Variants in ZNF385D observed in about 807,000 individuals in gnomAD.
ZNF385D encodes zinc finger protein 385D.
In ZNF385D, 15 loss-of-function variants were observed where a neutral mutation model predicts 35.8. That is an observed-to-expected ratio of 0.42 (90% confidence interval 0.28 to 0.64). ZNF385D has a LOEUF of 0.64. ZNF385D is among the 30% of genes least tolerant of loss of function. The probability of loss-of-function intolerance (pLI) is 0.23; values close to 1 mark genes in which losing one functional copy is unlikely to be tolerated. For missense variants in ZNF385D, 474 were observed against 494.6 expected, an observed-to-expected ratio of 0.96 and a Z score of 0.39; for synonymous variants, 212 against 186.8, an observed-to-expected ratio of 1.13 and a Z score of -1.10.
chr3:22,108,693 T>C (rs939064606), intron 3 of ZNF385D, among the ~76,000 whole-genome samples: 1 of 152,104 alleles, frequency 6.6e-6, no homozygotes, highest in African/African-American at 2.4e-5. Context: ...CACCAAGTTA[T>C]AAAGTCTAAA....
intron 4 of ZNF385D, among the ~76,000 whole-genome samples, chr3:21,492,799 A>ATAAATAAATAAATAAG (rs1705535049): frequency 6.6e-6 from 1 of 151,094 alleles, no homozygotes; most frequent in African/African-American, 2.4e-5. Context: ...AAATAAATAA[A>ATAAATAAATAAATAAG]TAAATAAATA....
Position 22,195,820 on chromosome 3 carries a change from C to T in ZNF385D, c.107-26785G>A, listed in dbSNP as rs146754832. On this transcript the variant is annotated intron_variant, in intron 2 of 5. Coordinates refer to the ZNF385D transcript ENST00000494108. Reference sequence around the variant, plus strand: ...GGATAAAGAAAATGTTATACATATACACCATGAAATATTATACAGCCATAA... The same window carrying T: ...GGATAAAGAAAATGTTATACATATATACCATGAAATATTATACAGCCATAA... Among the ~76,000 whole-genome samples the T allele has an allele frequency of 1.5e-3, 234 of 152,072 alleles. 2 individuals carry two copies. Among genetic ancestry groups the T allele is most frequent in the African/African-American group, 5.2e-3 (217 of 41,522 alleles).
intron 3 of ZNF385D, among the ~76,000 whole-genome samples, chr3:22,039,935 A>G (rs1698564280): frequency 6.6e-6 from 1 of 152,060 alleles, no homozygotes; most frequent in Admixed American, 6.5e-5. Flanking sequence ...TTTGAATTGG[A>G]TGTAGCCATT....
At chr3:21,595,584 A>G (rs1575278658) in intron 2 of ZNF385D, among the ~76,000 whole-genome samples, 1 of 152,032 alleles carries the variant, frequency 6.6e-6, no homozygotes, top group Non-Finnish European at 1.5e-5. Context: ...GTTGAATACC[A>G]GACCATCTCT....
At chr3:21,924,172 G>T in intron 3 of ZNF385D, among the ~76,000 whole-genome samples, 1 of 152,108 alleles carries the variant, frequency 6.6e-6, no homozygotes, top group East Asian at 1.9e-4. Flanking sequence ...AAATGGAACA[G>T]ATGTATATTT....
At chr3:21,800,472 GTTAAT>G (rs2072344980) in intron 3 of ZNF385D, among the ~76,000 whole-genome samples, 1 of 152,006 alleles carries the variant, frequency 6.6e-6, no homozygotes, top group Non-Finnish European at 1.5e-5. Flanking sequence ...CATCTAGTAG[GTTAAT>G]TTTTTTTCCT....
At chr3:21,445,839 G>C (rs1406067623) in intron 4 of ZNF385D, among the ~76,000 whole-genome samples, 1 of 152,096 alleles carries the variant, frequency 6.6e-6, no homozygotes, top group East Asian at 1.9e-4. Flanking sequence ...GCATATCATT[G>C]ACCTCCTAAG....
At chr3:21,788,774 A>G (rs1336274977) in intron 3 of ZNF385D, among the ~76,000 whole-genome samples, 1 of 152,212 alleles carries the variant, frequency 6.6e-6, no homozygotes, top group Non-Finnish European at 1.5e-5. Context: ...CAGTCTTGCT[A>G]GGGACAACAT....
At chr3:22,351,909 G>C (rs777341178) in intron 2 of ZNF385D, among the ~76,000 whole-genome samples, 1 of 152,144 alleles carries the variant, frequency 6.6e-6, no homozygotes, top group African/African-American at 2.4e-5. Flanking sequence ...CTAACCTGAA[G>C]AGAGAGAAAA....
chr3:22,162,315 G>A (rs1706011202), intron 3 of ZNF385D, among the ~76,000 whole-genome samples: 1 of 152,140 alleles, frequency 6.6e-6, no homozygotes, highest in African/African-American at 2.4e-5. Flanking sequence ...GCTTTGAAAA[G>A]CTGTCTTTTT....
intron 2 of ZNF385D, among the ~76,000 whole-genome samples, chr3:21,612,815 T>C (rs2064723999): frequency 6.6e-6 from 1 of 152,146 alleles, no homozygotes; most frequent in Admixed American, 6.5e-5. Context: ...TTACCTTTGC[T>C]CTTTTTTTTC....
chr3:21,922,001 G>A (rs770728392), intron 3 of ZNF385D, among the ~76,000 whole-genome samples: 2 of 152,038 alleles, frequency 1.3e-5, no homozygotes, highest in South Asian at 4.1e-4. Flanking sequence ...TGTTATGAAG[G>A]CACCATCACC....
chr3:21,620,415 C>T (rs1387812277), intron 2 of ZNF385D, among the ~76,000 whole-genome samples: 1 of 152,092 alleles, frequency 6.6e-6, no homozygotes, highest in East Asian at 1.9e-4. Context: ...AGTGAAGAGG[C>T]ACAAGATTGG....
upstream of ZNF385D, among the ~76,000 whole-genome samples, chr3:21,754,747 C>T (rs1456382698): frequency 6.6e-6 from 1 of 152,064 alleles, no homozygotes; most frequent in East Asian, 1.9e-4. Context: ...TTTTTGATTT[C>T]TCCTCACTGG....
At chr3:22,105,708 G>C (rs1702175559) in intron 3 of ZNF385D, among the ~76,000 whole-genome samples, 1 of 152,010 alleles carries the variant, frequency 6.6e-6, no homozygotes, top group Non-Finnish European at 1.5e-5. Flanking sequence ...CCACCTTTTT[G>C]TTCTATTAAG....
In ZNF385D at chr3:22,163,905, GTGCT is replaced by G. The variant is rs769347450; in HGVS notation, c.325+4908_325+4911del. ...TTCTAAATAACCTAAAAAGGATGAT[GTGCT>G]TACTAAGAATTTACAGGATCTATTA... On this transcript the variant is annotated intron_variant, in intron 3 of 5. Coordinates refer to the ZNF385D transcript ENST00000494108. Among the ~76,000 whole-genome samples the G allele has an allele frequency of 1.1e-4, 16 of 152,246 alleles. No individual in the cohort carries two copies. In the East Asian group the frequency reaches 2.7e-3, roughly 26 times the overall value.
chr3:21,711,039 GT>G (rs869252663), intron 1 of ZNF385D, among the ~76,000 whole-genome samples: 49 of 83,138 alleles, frequency 5.9e-4, no homozygotes, highest in Admixed American at 1.6e-3. Flanking sequence ...CCCTCTAAAA[GT>G]TTTTTTTTTT....
intron 3 of ZNF385D, among the ~76,000 whole-genome samples, chr3:21,547,846 G>A (rs777830705): frequency 6.6e-6 from 1 of 152,052 alleles, no homozygotes; most frequent in African/African-American, 2.4e-5. Context: ...TCTGACCTCA[G>A]GTGGTCCACC....
At chr3:21,663,917 ATT>A (rs1491246011) in intron 2 of ZNF385D, among the ~76,000 whole-genome samples, 12 of 122,246 alleles carry the variant, frequency 9.8e-5, no homozygotes, top group African/African-American at 3.6e-4. Context: ...ATATATATAT[ATT>A]TATTTATTTA....
Sources: allele counts gnomAD v4.1 joint callset (sites outside exome capture counted in the v4.1 genomes callset), GRCh38; gene constraint gnomAD v4.1.1; transcripts MANE v1.5; gene names NCBI Gene and HGNC (gene_info 2026-07-23, HGNC 2026-07-21).